The following FOXN3 variants were observed in gnomAD, a reference collection of about 807,000 sequenced individuals.
FOXN3 encodes forkhead box protein N3.
FOXN3 carries 7 observed loss-of-function variants against 38.4 expected under a neutral mutation model. The observed-to-expected ratio is 0.18, with a 90% CI of 0.10 to 0.34. FOXN3 has a LOEUF of 0.34. Among genes scored for constraint, FOXN3 ranks in the 10% least tolerant of loss-of-function variants. FOXN3 has a pLI of 1.00. For synonymous variants in FOXN3, 230 were observed against 242.2 expected (o/e 0.95, Z 0.47); for missense variants, 456 against 613.4 (o/e 0.74, Z 2.71).
chr14:89,213,817 T>A (rs1302853873), intron 4 of FOXN3, among the ~76,000 whole-genome samples: 1 of 56,598 alleles, frequency 1.8e-5, no homozygotes, highest in Non-Finnish European at 3.5e-5. Context: ...AAAGAAGGCA[T>A]ACAAATATCA....
chr14:89,351,121 G>A (rs571112325), intron 2 of FOXN3: 45 of 185,674 alleles, frequency 2.4e-4, no homozygotes, highest in Non-Finnish European at 3.5e-4. Flanking sequence ...TGAAGAACAC[G>A]TGCATTCTCT....
chr14:89,551,706 A>C (rs1895009690), intron 1 of FOXN3, among the ~76,000 whole-genome samples: 1 of 152,134 alleles, frequency 6.6e-6, no homozygotes, highest in South Asian at 2.1e-4. Context: ...TCCAGCCAGC[A>C]CAGTGTCCAG....
chr14:89,505,321 C>CGGGGT (rs1893894261), intron 1 of FOXN3, among the ~76,000 whole-genome samples: 2 of 146,728 alleles, frequency 1.4e-5, no homozygotes, highest in African/African-American at 5.0e-5. Context: ...CCCTCTGATG[C>CGGGGT]CGAGCCGAGG....
intron 1 of FOXN3, among the ~76,000 whole-genome samples, chr14:89,488,983 G>A (rs1330692726): frequency 6.6e-6 from 1 of 152,156 alleles, no homozygotes; most frequent in Admixed American, 6.5e-5. Context: ...AGTTGGTATG[G>A]CATTGCTTCT....
chr14:89,430,681 T>A (rs1210600432), intron 1 of FOXN3, among the ~76,000 whole-genome samples: 1 of 152,222 alleles, frequency 6.6e-6, no homozygotes, highest in Non-Finnish European at 1.5e-5. Flanking sequence ...GATTTTTTTA[T>A]TTTTAAAAGG....
At chr14:89,615,657 A>G in intron 1 of FOXN3, among the ~76,000 whole-genome samples, 1 of 152,228 alleles carries the variant, frequency 6.6e-6, no homozygotes, top group East Asian at 1.9e-4. Flanking sequence ...CAATGAACAC[A>G]CTTGCAGATA....
At chr14:89,522,135 G>GAA (rs139228934) in intron 1 of FOXN3, among the ~76,000 whole-genome samples, 2 of 146,116 alleles carry the variant, frequency 1.4e-5, no homozygotes, top group African/African-American at 5.0e-5. Context: ...GCTCTGAAAG[G>GAA]AAAAAAAAAA....
intron 4 of FOXN3, among the ~76,000 whole-genome samples, chr14:89,199,337 A>T (rs1490431288): frequency 6.6e-6 from 1 of 152,176 alleles, no homozygotes. Flanking sequence ...AGGGAACAAA[A>T]ATCTCCCACT....
intron 1 of FOXN3, among the ~76,000 whole-genome samples, chr14:89,473,881 TAC>T (rs2139749732): frequency 6.6e-6 from 1 of 152,180 alleles, no homozygotes; most frequent in South Asian, 2.1e-4. Flanking sequence ...TTTTATTTAA[TAC>T]ACAAAACATG....
At chr14:89,387,344 C>T (rs543634545) in intron 2 of FOXN3, among the ~76,000 whole-genome samples, 28 of 152,164 alleles carry the variant, frequency 1.8e-4, no homozygotes, top group African/African-American at 4.8e-4. Flanking sequence ...AGGAAATGAC[C>T]GTCAGTATAA....
At chr14:89,324,443 C>CGTGTGTGTGTGTGT (rs71130053) in intron 3 of FOXN3, among the ~76,000 whole-genome samples, 3 of 143,490 alleles carry the variant, frequency 2.1e-5, no homozygotes, top group Admixed American at 7.0e-5. Context: ...TAAGTGTGTG[C>CGTGTGTGTGTGTGT]GTGTGTGTGT....
upstream of FOXN3, chr14:89,417,494 A>C (rs1891782199): frequency 6.5e-6 from 1 of 154,038 alleles, no homozygotes; most frequent in Non-Finnish European, 1.4e-5. Flanking sequence ...GGGTCCCGCG[A>C]CCCAGGGCGG....
chr14:89,375,038 A>T (rs1456322209), intron 2 of FOXN3, among the ~76,000 whole-genome samples: 1 of 152,060 alleles, frequency 6.6e-6, no homozygotes, highest in African/African-American at 2.4e-5. Flanking sequence ...CTAGAAAAAA[A>T]CTAATCTACA....
At position 89,161,596 on chromosome 14, in the gene FOXN3, T is replaced by TGTGTGCGTGTGTGC. The variant is rs61390956; in HGVS notation, c.*817_*818insGCACACACGCACAC. 7.3e-6 allele frequency: 1 copy of TGTGTGCGTGTGTGC among 136,624 alleles called. No homozygotes were observed. Among genetic ancestry groups the TGTGTGCGTGTGTGC allele is most frequent in the Non-Finnish European group, 1.6e-5 (1 of 62,790 alleles). The allele number at this position is 136,624 out of a possible 1,614,324, so 8.5% of individuals were successfully genotyped here. ...GTGTGTGTGTGTGTGTGTGTGTGTGTGCGTGCGTGCACAGGGCCAATCTTC... is the reference window on the plus strand; with the variant it reads ...GTGTGTGTGTGTGTGTGTGTGTGTGTGTGTGCGTGTGTGCGCGTGCGTGCACAGGGCCAATCTTC... On this transcript the variant is annotated 3_prime_UTR_variant, in exon 6 of 6. Coordinates refer to ENST00000557258, the MANE Select transcript of FOXN3 (RefSeq NM_005197.4).
At chr14:89,611,346 G>A (rs979089007) in intron 1 of FOXN3, among the ~76,000 whole-genome samples, 3 of 152,186 alleles carry the variant, frequency 2.0e-5, no homozygotes, top group African/African-American at 7.2e-5. Context: ...GTAAAAGTGA[G>A]TGCTGTCTAG....
At chr14:89,279,074 T>C (rs888072774) in intron 4 of FOXN3, among the ~76,000 whole-genome samples, 4 of 151,678 alleles carry the variant, frequency 2.6e-5, no homozygotes, top group Admixed American at 6.6e-5. Context: ...TCCAGAACTC[T>C]AGGGAATGAA....
At chr14:89,530,907 C>A (rs932355702) in intron 1 of FOXN3, among the ~76,000 whole-genome samples, 1 of 148,026 alleles carries the variant, frequency 6.8e-6, no homozygotes. Flanking sequence ...CCACGCCCGG[C>A]CTCTATTTTT....
intron 1 of FOXN3, among the ~76,000 whole-genome samples, chr14:89,539,847 T>C (rs1462020679): frequency 2.0e-5 from 3 of 152,132 alleles, no homozygotes; most frequent in South Asian, 2.1e-4. Context: ...AACAAAAATA[T>C]ATTCAACTTC....
chr14:89,239,915 G>A (rs1885094078), intron 4 of FOXN3, among the ~76,000 whole-genome samples: 1 of 152,184 alleles, frequency 6.6e-6, no homozygotes, highest in African/African-American at 2.4e-5. Flanking sequence ...GGAGCCAAGA[G>A]GGTCTGCACC....
Sources: allele counts gnomAD v4.1 joint callset (sites outside exome capture counted in the v4.1 genomes callset), GRCh38; gene constraint gnomAD v4.1.1; transcripts MANE v1.5; gene names NCBI Gene and HGNC (gene_info 2026-07-23, HGNC 2026-07-21).